DOCK3: variants seen among roughly 807,000 people sequenced by gnomAD.
DOCK3 encodes dedicator of cytokinesis 3, also known as dedicator of cytokinesis protein 3.
Under a neutral mutation model 265.6 loss-of-function variants are expected in DOCK3, and 60 were observed. That is an observed-to-expected ratio of 0.23 (90% CI 0.18 to 0.28). DOCK3 has a LOEUF of 0.28. Among genes scored for constraint, DOCK3 ranks in the 10% least tolerant of loss-of-function variants. DOCK3 has a pLI of 1.00. For missense variants in DOCK3, 1,981 were observed against 2,594.3 expected (o/e 0.76, Z 5.14); for synonymous variants, 881 against 938.0 (o/e 0.94, Z 1.11).
At chr3:50,848,095 T>C (rs1401465986) in intron 3 of DOCK3, among the ~76,000 whole-genome samples, 1 of 152,108 alleles carries the variant, frequency 6.6e-6, no homozygotes, top group Non-Finnish European at 1.5e-5. Context: ...AAGTCTCTTT[T>C]ATCTGATATA....
intron 1 of DOCK3, among the ~76,000 whole-genome samples, chr3:50,731,714 C>T (rs1203550591): frequency 1.3e-5 from 2 of 152,112 alleles, no homozygotes; most frequent in African/African-American, 4.8e-5. Flanking sequence ...GAAAGAACCT[C>T]CTCAGTCTAA....
Position 51,245,835 on chromosome 3 carries a change from G to A in DOCK3, c.2103-891G>A, listed in dbSNP as rs557359376. Among the ~76,000 whole-genome samples, 20 of 152,134 alleles carry A rather than the reference G, an allele frequency of 1.3e-4. No individual in the cohort carries two copies. The South Asian group carries it at 2.1e-3, about 16-fold the overall frequency. On this transcript the variant is annotated intron_variant, in intron 21 of 52. Transcript: ENST00000266037. The stretch of plus-strand genomic sequence containing the variant: ...GGACTGTTCTATGTGCTTTATATGC[G>A]TCTTTCTATTAGTATTTGTGATAAC...
At chr3:50,929,161 T>C (rs2050925691) in intron 4 of DOCK3, among the ~76,000 whole-genome samples, 2 of 152,218 alleles carry the variant, frequency 1.3e-5, no homozygotes, top group Non-Finnish European at 2.9e-5. Flanking sequence ...AGAGTCTTCA[T>C]GTGTTGCAGA....
At chr3:51,244,182 A>G (rs987756366) in intron 21 of DOCK3, among the ~76,000 whole-genome samples, 1 of 150,634 alleles carries the variant, frequency 6.6e-6, no homozygotes, top group Non-Finnish European at 1.5e-5. Flanking sequence ...GCTTTTGGCT[A>G]TTCCAGGTCA....
In DOCK3 at chr3:50,854,362, A is replaced by G. The variant is rs577803741; in HGVS notation, c.162+12647A>G. 4.7e-5 allele frequency among the ~76,000 whole-genome samples: 7 copies of G among 148,558 alleles called. No homozygotes were observed. The South Asian group carries it at 1.1e-3, about 22-fold the overall frequency. ...CATATTTGCTCTTAAAGTCTTAGTT[A>G]TTATAATTACTCGCCTAGGCTAGTG... On this transcript the variant is annotated intron_variant, in intron 3 of 52. Transcript: ENST00000266037.
At chr3:51,351,961 A>G (rs1186867751) in intron 40 of DOCK3, among the ~76,000 whole-genome samples, 1 of 152,086 alleles carries the variant, frequency 6.6e-6, no homozygotes, top group African/African-American at 2.4e-5. Flanking sequence ...CCAGCCAGGA[A>G]TGAGTGGAGA....
At chr3:50,893,146 CG>C (rs1457925916) in intron 4 of DOCK3, 1 of 179,432 alleles carries the variant, frequency 5.6e-6, no homozygotes, top group Non-Finnish European at 1.2e-5. Context: ...CCATAAAGAC[CG>C]GGAGAAGTGG....
At chr3:50,923,848 A>G (rs1314932506) in intron 4 of DOCK3, among the ~76,000 whole-genome samples, 1 of 152,130 alleles carries the variant, frequency 6.6e-6, no homozygotes, top group Non-Finnish European at 1.5e-5. Context: ...GTCTTCCACT[A>G]ATTTTTACCA....
At chr3:50,964,762 A>G (rs1670227438) in intron 5 of DOCK3, among the ~76,000 whole-genome samples, 1 of 152,154 alleles carries the variant, frequency 6.6e-6, no homozygotes, top group Non-Finnish European at 1.5e-5. Flanking sequence ...TACAGGTGAA[A>G]GATGTTTAAT....
At chr3:50,860,476 G>A (rs1201278198) in intron 3 of DOCK3, among the ~76,000 whole-genome samples, 1 of 152,172 alleles carries the variant, frequency 6.6e-6, no homozygotes, top group African/African-American at 2.4e-5. Context: ...TTTCCAAAGG[G>A]CTGCTACTGT....
intron 12 of DOCK3, among the ~76,000 whole-genome samples, chr3:51,170,471 T>C (rs1376019565): frequency 6.6e-6 from 1 of 152,162 alleles, no homozygotes; most frequent in Non-Finnish European, 1.5e-5. Flanking sequence ...TCTTGGTAAG[T>C]TGTATGTTTC....
chr3:51,076,233 C>T (rs914523709), intron 7 of DOCK3, among the ~76,000 whole-genome samples: 7 of 152,084 alleles, frequency 4.6e-5, no homozygotes, highest in African/African-American at 1.4e-4. Context: ...ACTAGCATAC[C>T]CAAGCAATTG....
At chr3:51,283,238 G>A (rs1003677893) in intron 27 of DOCK3, among the ~76,000 whole-genome samples, 4 of 152,182 alleles carry the variant, frequency 2.6e-5, no homozygotes, top group Admixed American at 6.5e-5. Flanking sequence ...GGCACACTCA[G>A]GCACAGACCC....
At chr3:51,170,483 A>T (rs2086621530) in intron 12 of DOCK3, among the ~76,000 whole-genome samples, 1 of 152,048 alleles carries the variant, frequency 6.6e-6, no homozygotes, top group Non-Finnish European at 1.5e-5. Context: ...GTATGTTTCT[A>T]GGAATTTATC....
intron 4 of DOCK3, among the ~76,000 whole-genome samples, chr3:50,915,546 T>C (rs988921297): frequency 6.6e-6 from 1 of 152,074 alleles, no homozygotes; most frequent in African/African-American, 2.4e-5. Flanking sequence ...ATTCTGTTTC[T>C]CTGGGATATG....
At position 51,357,944 on chromosome 3, in the gene DOCK3, G is replaced by T. The variant is rs369585739; in HGVS notation, c.4768-17G>T. On this transcript the variant is annotated splice_polypyrimidine_tract_variant and intron_variant, in intron 45 of 52. Coordinates refer to ENST00000266037, the MANE Select transcript of DOCK3 (RefSeq NM_004947.5). ...TACTCATGGTTCACAGAGTGGCCTT[G>T]TTTGTGACTCTGATAGGTTCATGTC... 6.2e-7 allele frequency: 1 copy of T among 1,613,918 alleles called. No individual in the cohort carries two copies. The highest frequency in any genetic ancestry group is 1.3e-5 in the African/African-American group (1 of 75,034).
intron 9 of DOCK3, among the ~76,000 whole-genome samples, chr3:51,126,969 A>G (rs1298382899): frequency 6.6e-6 from 1 of 151,854 alleles, no homozygotes; most frequent in Non-Finnish European, 1.5e-5. Flanking sequence ...TCTTATATAT[A>G]TATATATGAG....
intron 5 of DOCK3, among the ~76,000 whole-genome samples, chr3:51,021,661 CTT>C (rs61097732): frequency 1.4e-5 from 2 of 142,818 alleles, no homozygotes; most frequent in African/African-American, 2.6e-5. Context: ...GGAGAACTTC[CTT>C]TTTTTTTTTT....
At chr3:50,888,366 C>G (rs1272677193) in intron 3 of DOCK3, among the ~76,000 whole-genome samples, 3 of 152,164 alleles carry the variant, frequency 2.0e-5, no homozygotes. Context: ...AGAGAGGATA[C>G]AAATAAATGG....
Sources: gnomAD v4.1 joint callset for allele counts (sites outside exome capture counted in the v4.1 genomes callset) on GRCh38, gnomAD v4.1.1 for gene constraint, MANE v1.5 for transcripts, NCBI Gene and HGNC (gene_info 2026-07-23, HGNC 2026-07-21) for gene names.